FNTB: variants seen among roughly 807,000 people sequenced by gnomAD.
The protein encoded by FNTB is farnesyltransferase, CAAX box, subunit beta, also known as protein farnesyltransferase subunit beta.
A neutral mutation model predicts 59.4 loss-of-function variants in FNTB; 27 were observed. The ratio of observed to expected loss-of-function variants is 0.45; its 90% CI spans 0.34 to 0.63. The LOEUF is 0.63. Ranked by LOEUF, FNTB falls within the 20% of genes least tolerant of loss-of-function variation. The probability of loss-of-function intolerance (pLI) is 0.02; values close to 1 mark genes in which losing one functional copy is unlikely to be tolerated. For synonymous variants in FNTB, 230 were observed against 220.7 expected (o/e 1.04, Z -0.37); for missense variants, 449 against 559.6 (o/e 0.80, Z 1.99).
chr14:64,988,945 A>G (rs1422175350), intron 1 of FNTB, among the ~76,000 whole-genome samples: 1 of 152,104 alleles, frequency 6.6e-6, no homozygotes, highest in Non-Finnish European at 1.5e-5. Flanking sequence ...ACAGTGCTAA[A>G]TGCTCTCCAT....
Position 65,044,905 on chromosome 14 carries a change from G to C in FNTB, c.955+462G>C, listed in dbSNP as rs2062441258. ...AACCCATGTGTAGGGGTGGGTTGTA[G>C]GGGTGGGTTGCCCCTACACCATGGA... On this transcript the variant is annotated intron_variant, in intron 9 of 11. Coordinates refer to ENST00000246166, the MANE Select transcript of FNTB (RefSeq NM_002028.4). The surrounding 1 kb of genome is among the most constrained non-coding windows in gnomAD (Gnocchi z 5.5). 6.4e-6 allele frequency: 1 copy of C among 155,358 alleles called. No individual in the cohort carries two copies. Among genetic ancestry groups the C allele is most frequent in the Non-Finnish European group, 1.4e-5 (1 of 70,366 alleles). 9.6% of individuals were successfully genotyped at this position (155,358 alleles called of 1,614,324 possible). A position where few individuals can be genotyped will look rare whatever the true frequency, so the allele number is the denominator to read the frequency against.
At chr14:65,016,487 C>T (rs564628343) in intron 4 of FNTB, 1 of 152,366 alleles carries the variant, frequency 6.6e-6, no homozygotes, top group South Asian at 2.1e-4. Flanking sequence ...CTCTGGTGCT[C>T]TTGAGGTCGA....
chr14:65,047,700 T>C lies in FNTB; in HGVS notation c.955+3257T>C, dbSNP rs1327695700. Reference sequence around the variant, plus strand: ...CAGGGATATTAGCAAAGGATGTATATTGAAGTGGAGTTTCAATAGCAGCCT... The same window carrying C: ...CAGGGATATTAGCAAAGGATGTATACTGAAGTGGAGTTTCAATAGCAGCCT... On this transcript the variant is annotated intron_variant, in intron 9 of 11. Transcript: ENST00000246166. The surrounding 1 kb of genome is among the most constrained non-coding windows in gnomAD (Gnocchi z 5.2). 6.6e-6 allele frequency among the ~76,000 whole-genome samples: 1 copy of C among 152,168 alleles called. No individual in the cohort carries two copies. Among genetic ancestry groups the C allele is most frequent in the Admixed American group, 6.5e-5 (1 of 15,278 alleles).
At chr14:64,987,343 C>T (rs1042084544) in intron 1 of FNTB, 15 of 571,188 alleles carry the variant, frequency 2.6e-5, no homozygotes, top group Non-Finnish European at 4.4e-5. Flanking sequence ...GCCGAGTCCC[C>T]TCTGCCCTAA....
intron 9 of FNTB, among the ~76,000 whole-genome samples, chr14:65,049,369 A>G (rs1402270968): frequency 6.6e-6 from 1 of 152,184 alleles, no homozygotes; most frequent in Non-Finnish European, 1.5e-5. Flanking sequence ...TGATTTTTTT[A>G]GATAAAAGGA....
At chr14:65,039,361 C>T (rs1057434957) in intron 7 of FNTB, among the ~76,000 whole-genome samples, 9 of 152,184 alleles carry the variant, frequency 5.9e-5, no homozygotes, top group Non-Finnish European at 1.3e-4. Flanking sequence ...ACAGTGCTCC[C>T]TCCTCCTCTT....
At chr14:65,037,411 T>C (rs1228210230) in intron 7 of FNTB, among the ~76,000 whole-genome samples, 14 of 81,312 alleles carry the variant, frequency 1.7e-4, no homozygotes, top group Admixed American at 2.9e-4. Context: ...CCCTTTTTTT[T>C]TTTTTTTTTT....
chr14:65,022,420 C>CA (rs1368868623), intron 4 of FNTB, among the ~76,000 whole-genome samples: 1 of 151,966 alleles, frequency 6.6e-6, no homozygotes, highest in Admixed American at 6.6e-5. Context: ...CTTCTTGCTA[C>CA]AAATTAGTCT....
intron 1 of FNTB, among the ~76,000 whole-genome samples, chr14:65,000,938 G>A (rs1267373016): frequency 6.6e-6 from 1 of 151,634 alleles, no homozygotes; most frequent in African/African-American, 2.4e-5. Context: ...AATTACATAA[G>A]GTATACATTA....
Position 65,031,985 on chromosome 14 carries a change from T to G in FNTB, c.606-625T>G, listed in dbSNP as rs1305472020. On this transcript the variant is annotated intron_variant, in intron 6 of 11. Transcript: ENST00000246166. This position sits in a 1 kb window ranked among gnomAD's most constrained non-coding sequence, Gnocchi z 4.6. ...GTGCGCCTTTTTCATTTAACGTGTG[T>G]GTGTGTGTGTGTGTGTGTGTGTGTG... is the stretch of plus-strand genomic sequence containing the variant. 7.3e-5 allele frequency among the ~76,000 whole-genome samples: 9 copies of G among 123,948 alleles called. No homozygotes were observed. In the East Asian group the frequency reaches 1.0e-3, roughly 14 times the overall value. The allele number at this position is 123,948 out of a possible 152,430, so 81.3% of individuals were successfully genotyped here.
In FNTB at chr14:65,014,683, G is replaced by A. The variant is rs1332929753; in HGVS notation, c.283-942G>A. Among the ~76,000 whole-genome samples, 3 of 152,134 alleles carry A rather than the reference G, an allele frequency of 2.0e-5. No homozygotes were observed. Among genetic ancestry groups the A allele is most frequent in the Non-Finnish European group, 4.4e-5 (3 of 68,026 alleles). Reference sequence around the variant, plus strand: ...TAAAAAATTAGCCAGGCATAGTGGTGTGTGCCCGTAGTCCCAGCTACTTAG... The same window carrying A: ...TAAAAAATTAGCCAGGCATAGTGGTATGTGCCCGTAGTCCCAGCTACTTAG... On this transcript the variant is annotated intron_variant, in intron 3 of 11. Transcript: ENST00000246166. This position sits in a 1 kb window ranked among gnomAD's most constrained non-coding sequence, Gnocchi z 5.1.
chr14:65,008,824 A>G (rs2061637995), intron 2 of FNTB, among the ~76,000 whole-genome samples: 1 of 152,200 alleles, frequency 6.6e-6, no homozygotes, highest in Non-Finnish European at 1.5e-5. Context: ...AAGAAATTCT[A>G]TTTAAATCAT....
Position 65,009,207 on chromosome 14 carries a change from G to C in FNTB, c.210-3110G>C, listed in dbSNP as rs2061645980. On this transcript the variant is annotated intron_variant, in intron 2 of 11. Coordinates refer to ENST00000246166, the MANE Select transcript of FNTB (RefSeq NM_002028.4). This position sits in a 1 kb window ranked among gnomAD's most constrained non-coding sequence, Gnocchi z 4.2. ...GCTGCCATAAGACGGTATCACAGAT[G>C]GGGTGCATTAAACCACAGAGATTTA... Among the ~76,000 whole-genome samples, 1 of 152,136 alleles carries C rather than the reference G, an allele frequency of 6.6e-6. No individual in the cohort carries two copies. The highest frequency in any genetic ancestry group is 2.4e-5 in the African/African-American group (1 of 41,428).
rs1205047711 is a variant in FNTB at position 65,030,429 on chromosome 14, A to G, written c.606-2181A>G. ...CTCAGTAAGTCTGACTTCATGTTAT[A>G]TCTATACTGAGTAAGATGGAAACCA... On this transcript the variant is annotated intron_variant, in intron 6 of 11. Transcript: ENST00000246166. This position sits in a 1 kb window ranked among gnomAD's most constrained non-coding sequence, Gnocchi z 4.5. Among the ~76,000 whole-genome samples the G allele has an allele frequency of 6.6e-6, 1 of 152,178 alleles. No individual in the cohort carries two copies. The highest frequency in any genetic ancestry group is 1.5e-5 in the Non-Finnish European group (1 of 68,032).
chr14:65,052,866 G>A (rs1024888807), intron 9 of FNTB, among the ~76,000 whole-genome samples: 1 of 152,174 alleles, frequency 6.6e-6, no homozygotes, highest in South Asian at 2.1e-4. Flanking sequence ...AATGTCTCTT[G>A]AAGTCCAGGG....
rs1347865941 is a variant in FNTB, at chr14:65,028,893, G to A, written c.605+1112G>A. 1.3e-5 allele frequency among the ~76,000 whole-genome samples: 2 copies of A among 152,106 alleles called. No homozygotes were observed. The highest frequency in any genetic ancestry group is 4.8e-5 in the African/African-American group (2 of 41,386). On this transcript the variant is annotated intron_variant, in intron 6 of 11. Transcript: ENST00000246166. The surrounding 1 kb of genome is among the most constrained non-coding windows in gnomAD (Gnocchi z 4.4). ...AAAATATGCACAGTCTTGAAACGCA[G>A]CTTTTAAAAACCTACTAAGATTATT...
rs1752240012 is a variant in FNTB, at chr14:65,054,823, C to G, written c.1182+134C>G. 1.6e-5 allele frequency: 16 copies of G among 991,740 alleles called. No homozygotes were observed. Among genetic ancestry groups the G allele is most frequent in the Non-Finnish European group, 2.4e-5 (16 of 674,022 alleles). The allele number at this position is 991,740 out of a possible 1,614,324, so 61.4% of individuals were successfully genotyped here. ...GCTTGTGGTCCCTCTGCCCTTCGAG[C>G]TGTGCAGCCGTTAGTGAGGATGTGA... On this transcript the variant is annotated intron_variant, in intron 11 of 11. Transcript: ENST00000246166. The surrounding 1 kb of genome is among the most constrained non-coding windows in gnomAD (Gnocchi z 4.4).
intron 7 of FNTB, among the ~76,000 whole-genome samples, chr14:65,037,214 C>T (rs952135568): frequency 2.0e-5 from 3 of 151,284 alleles, no homozygotes; most frequent in African/African-American, 7.3e-5. Flanking sequence ...AGCAATTCTC[C>T]TGCCTCAGCC....
At chr14:64,989,073 TTG>T (rs1230710581) in intron 1 of FNTB, among the ~76,000 whole-genome samples, 1 of 151,516 alleles carries the variant, frequency 6.6e-6, no homozygotes, top group African/African-American at 2.4e-5. Context: ...TTAGGAGGAG[TTG>T]TTTACAGAGG....
Sources: gnomAD v4.1 joint callset for allele counts (sites outside exome capture counted in the v4.1 genomes callset) on GRCh38, gnomAD v4.1.1 for gene constraint, Gnocchi (gnomAD v3.1) non-coding constraint, MANE v1.5 for transcripts, NCBI Gene and HGNC (gene_info 2026-07-23, HGNC 2026-07-21) for gene names.